MGRN1: variants seen among roughly 807,000 people sequenced by gnomAD.
MGRN1 encodes E3 ubiquitin-protein ligase MGRN1.
A neutral mutation model predicts 69.2 loss-of-function variants in MGRN1; 29 were observed. The ratio of observed to expected loss-of-function variants is 0.42; its 90% confidence interval spans 0.31 to 0.57. The LOEUF is 0.57. Among genes scored for constraint, MGRN1 ranks in the 20% least tolerant of loss-of-function variants. The pLI is 0.15. For missense variants in MGRN1, 998 were observed against 796.2 expected (o/e 1.25, Z -3.05); for synonymous variants, 470 against 344.2 (o/e 1.37, Z -4.04).
chr16:4,634,562 C>T (rs1898182992), intron 1 of MGRN1: 1 of 152,462 alleles, frequency 6.6e-6, no homozygotes, highest in Admixed American at 6.5e-5. Flanking sequence ...CGCTGAACAG[C>T]TGTAGAATTA....
intron 16 of MGRN1, 180 bp from the exon 17 acceptor site, chr16:4,688,616 A>G: frequency 1.4e-6 from 2 of 1,383,238 alleles, no homozygotes; most frequent in Non-Finnish European, 1.9e-6. Flanking sequence ...TATTTGGCAC[A>G]GTTAGGGAGT....
chr16:4,645,801 C>T (rs1274578750), intron 1 of MGRN1, among the ~76,000 whole-genome samples: 1 of 152,152 alleles, frequency 6.6e-6, no homozygotes, highest in African/African-American at 2.4e-5. Context: ...CCCAGTGTGG[C>T]TGGGACGCCA....
At chr16:4,684,419 G>T (rs146095915) in intron 16 of MGRN1, among the ~76,000 whole-genome samples, 2,402 of 152,332 alleles carry the variant, frequency 0.016, 32 homozygotes, top group Non-Finnish European at 0.025. Flanking sequence ...GGTACCACAC[G>T]CTGTGCTGGG....
chr16:4,655,301 C>T (rs544793602), intron 4 of MGRN1, among the ~76,000 whole-genome samples: 10 of 152,108 alleles, frequency 6.6e-5, no homozygotes, highest in Admixed American at 1.3e-4. Context: ...GAGAGGGTCC[C>T]GCTGCTACCA....
chr16:4,677,397 C>A, intron 10 of MGRN1, 66 bp from the exon 11 acceptor site: 1 of 1,318,212 alleles, frequency 7.6e-7, no homozygotes. Flanking sequence ...ATCCCTGGGG[C>A]TGGGAGGGTC....
At chr16:4,672,977 T>C (rs1288318809) in intron 9 of MGRN1, among the ~76,000 whole-genome samples, 2 of 152,198 alleles carry the variant, frequency 1.3e-5, no homozygotes, top group Non-Finnish European at 2.9e-5. Context: ...TAGCTGGAAC[T>C]ACAAGCACGT....
chr16:4,644,681 A>G (rs1447247526), intron 1 of MGRN1, among the ~76,000 whole-genome samples: 2 of 152,244 alleles, frequency 1.3e-5, no homozygotes, highest in Non-Finnish European at 2.9e-5. Context: ...ATGTAACAAT[A>G]GCATCTATTT....
At chr16:4,642,500 G>T (rs1010875697) in intron 1 of MGRN1, among the ~76,000 whole-genome samples, 54 of 150,188 alleles carry the variant, frequency 3.6e-4, no homozygotes, top group Non-Finnish European at 1.0e-4. Context: ...GTGTGTGTGT[G>T]TTTTTAGTAG....
intron 16 of MGRN1, among the ~76,000 whole-genome samples, chr16:4,685,387 C>T (rs1248560980): frequency 6.6e-6 from 1 of 152,234 alleles, no homozygotes; most frequent in East Asian, 1.9e-4. Flanking sequence ...GGCCAGGACT[C>T]CGAGTCTCAT....
In MGRN1 at chr16:4,662,465, G is replaced by A. The variant is rs186655292; in HGVS notation, c.562-2244G>A. The stretch of plus-strand genomic sequence containing the variant: ...CAGGGGGTGGAGGTTGCAGCGAGCC[G>A]ACATCCTGCCACTGCACTCCATCCT... On this transcript the variant is annotated intron_variant, in intron 5 of 16. Coordinates refer to ENST00000262370, the MANE Select transcript of MGRN1 (RefSeq NM_015246.4). Among the ~76,000 whole-genome samples, 276 of 150,734 alleles carry A rather than the reference G, an allele frequency of 1.8e-3. 1 individual carries two copies. The highest frequency in any genetic ancestry group is 2.9e-3 in the Non-Finnish European group (198 of 67,830).
At chr16:4,654,081 C>G (rs2078472291) in intron 4 of MGRN1, among the ~76,000 whole-genome samples, 1 of 152,074 alleles carries the variant, frequency 6.6e-6, no homozygotes, top group Non-Finnish European at 1.5e-5. Flanking sequence ...TTTGTTTTTC[C>G]TCGGGAGCTC....
chr16:4,684,198 C>T (rs1440521746), intron 16 of MGRN1, among the ~76,000 whole-genome samples: 2 of 152,258 alleles, frequency 1.3e-5, no homozygotes, highest in Non-Finnish European at 2.9e-5. Flanking sequence ...CCACATTGGC[C>T]ACAGGAGGTG....
At chr16:4,655,714 AAGGACCTGGAGGCTCC>A (rs769438543) in intron 4 of MGRN1, among the ~76,000 whole-genome samples, 21 of 152,256 alleles carry the variant, frequency 1.4e-4, no homozygotes, top group South Asian at 8.3e-4. Context: ...GATCACAGAA[AAGGACCTGGAGGCTCC>A]AGGACCTGGA....
At position 4,682,356 on chromosome 16, in the gene MGRN1, C is replaced by T. The variant is rs117044515; in HGVS notation, c.1359-467C>T. The stretch of plus-strand genomic sequence containing the variant: ...CATTCGTGGTTCCCCTGGAGCCTTG[C>T]GGTGTATAGAGCGGCGGCTGCCAGG... On this transcript the variant is annotated intron_variant, in intron 13 of 16. Transcript: ENST00000262370. 3.7e-4 allele frequency among the ~76,000 whole-genome samples: 57 copies of T among 152,334 alleles called. 1 individual carries two copies. In the East Asian group the frequency reaches 0.01, roughly 28 times the overall value.
rs56053584 is a variant in MGRN1, at chr16:4,689,767, C to CT, written c.*874dup. ...GAATGTCCCCTTGCAGTTCTCTTCT[C>CT]TTTTTTTTTTTTTTTGAGATGGAGT... On this transcript the variant is annotated 3_prime_UTR_variant, in exon 17 of 17. Coordinates refer to ENST00000262370, the MANE Select transcript of MGRN1 (RefSeq NM_015246.4). 3,858 of 141,384 alleles carry CT rather than the reference C, an allele frequency of 0.027. 61 individuals carry two copies. Among genetic ancestry groups the CT allele is most frequent in the Non-Finnish European group, 0.034 (2,197 of 64,782 alleles). 8.8% of individuals were successfully genotyped at this position (141,384 alleles called of 1,614,324 possible).
intron 10 of MGRN1, among the ~76,000 whole-genome samples, chr16:4,674,102 A>C (rs2079001528): frequency 6.6e-6 from 1 of 152,092 alleles, no homozygotes; most frequent in Admixed American, 6.5e-5. Context: ...CTCCTGTCTC[A>C]GCCTCCCTAG....
At chr16:4,627,922 T>C (rs1567162587) in intron 1 of MGRN1, among the ~76,000 whole-genome samples, 1 of 145,426 alleles carries the variant, frequency 6.9e-6, no homozygotes, top group Non-Finnish European at 1.5e-5. Context: ...CTACCAAAAA[T>C]ACAAAAAATT....
chr16:4,681,671 G>A lies in MGRN1; in HGVS notation c.1253G>A (p.Gly418Asp), dbSNP rs200775202. 4.3e-6 allele frequency: 7 copies of A among 1,613,448 alleles called. No individual in the cohort carries two copies. In the East Asian group the frequency reaches 6.7e-5, roughly 15 times the overall value. ...APLYEEITYSGISDGLSQASC... is the reference protein window; with the variant it reads ...APLYEEITYSDISDGLSQASC... The stretch of plus-strand genomic sequence containing the variant: ...CTTTATGAAGAAATCACCTATTCAG[G>A]CATCTCGGACGGCCTGTCCCAGGCC... Residue 418 changes from glycine to aspartate, a missense_variant, in exon 13 of 17, where the codon GGC (glycine) becomes GAC (aspartate). Physicochemically the swap from Gly to Asp is moderately conservative, Grantham distance 94. Transcript: ENST00000262370.
At chr16:4,660,765 T>G (rs1007010789) in intron 5 of MGRN1, among the ~76,000 whole-genome samples, 2 of 131,272 alleles carry the variant, frequency 1.5e-5, no homozygotes, top group East Asian at 2.7e-4. Flanking sequence ...GGACGATGAC[T>G]CCTGTGTGGA....
Sources: allele counts gnomAD v4.1 joint callset (sites outside exome capture counted in the v4.1 genomes callset), GRCh38; gene constraint gnomAD v4.1.1; transcripts MANE v1.5; gene names NCBI Gene and HGNC (gene_info 2026-07-23, HGNC 2026-07-21).